Variants in MSANTD5 observed in about 807,000 individuals in gnomAD.
MSANTD5 encodes Myb/SANT DNA binding domain containing 5.
chr5:178,703,253 G>A, the MSANTD5 span, among the ~76,000 whole-genome samples: 268 of 152,318 alleles, frequency 1.8e-3, no homozygotes, highest in African/African-American at 5.6e-3. Flanking sequence ...TGCGGAGGGC[G>A]CCCACGGGCA....
downstream of MSANTD5, among the ~76,000 whole-genome samples, chr5:178,693,751 A>AATCAGCATTCTAT (rs1561608100): frequency 6.6e-6 from 1 of 151,910 alleles, no homozygotes; most frequent in African/African-American, 2.4e-5. Context: ...TTTTTATAGA[A>AATCAGCATTCTAT]TGCTGATTGG....
At chr5:178,693,218 C>A (rs1765374692), downstream of MSANTD5, among the ~76,000 whole-genome samples, 1 of 151,970 alleles carries the variant, frequency 6.6e-6, no homozygotes, top group Non-Finnish European at 1.5e-5. Context: ...GAGGCTGAGG[C>A]AGGAGAATTG....
downstream of MSANTD5, among the ~76,000 whole-genome samples, chr5:178,692,552 C>T (rs186343702): frequency 3.7e-3 from 568 of 152,000 alleles, 19 homozygotes; most frequent in African/African-American, 0.013. Context: ...ATCCACTGGG[C>T]GAAGGGTTCA....
At chr5:178,703,383 T>C in the MSANTD5 span, among the ~76,000 whole-genome samples, 59 of 152,298 alleles carry the variant, frequency 3.9e-4, no homozygotes, top group Non-Finnish European at 7.2e-4. Context: ...CTGAGGAGAC[T>C]TGGTCCTCCA....
chr5:178,699,967 T>C (rs62392823), upstream of MSANTD5, among the ~76,000 whole-genome samples: 32,241 of 138,656 alleles, frequency 0.23, 4,223 homozygotes, highest in South Asian at 0.37. Context: ...ATTCCATGGC[T>C]CTGGGGCAGC....
intron 1 of MSANTD5, among the ~76,000 whole-genome samples, chr5:178,697,206 G>A (rs962870709): frequency 7.9e-5 from 12 of 152,306 alleles, no homozygotes; most frequent in African/African-American, 2.2e-4. Context: ...TGTAATCCCA[G>A]CACTTTGGGA....
chr5:178,702,021 C>G (rs1190793321), upstream of MSANTD5, among the ~76,000 whole-genome samples: 6 of 150,470 alleles, frequency 4.0e-5, no homozygotes, highest in Non-Finnish European at 8.9e-5. Flanking sequence ...GCGTGAGCCA[C>G]CGCGCCCGGC....
At chr5:178,705,642 C>A in the MSANTD5 span, among the ~76,000 whole-genome samples, 8 of 152,076 alleles carry the variant, frequency 5.3e-5, no homozygotes, top group Non-Finnish European at 1.2e-4. Context: ...TTCTGGGCCC[C>A]GTATCCCCAA....
intron 1 of MSANTD5, among the ~76,000 whole-genome samples, chr5:178,697,264 C>T (rs1050388542): frequency 4.0e-5 from 6 of 151,104 alleles, no homozygotes; most frequent in African/African-American, 1.5e-4. Context: ...ACCATCCTGG[C>T]TAACACGGTG....
chr5:178,692,799 G>C (rs751570215), downstream of MSANTD5, among the ~76,000 whole-genome samples: 6 of 151,868 alleles, frequency 4.0e-5, no homozygotes, highest in Non-Finnish European at 8.8e-5. Flanking sequence ...CGGGAGGGAC[G>C]TGCATGTCCC....
the MSANTD5 span, among the ~76,000 whole-genome samples, chr5:178,704,927 A>C: frequency 6.6e-6 from 1 of 152,186 alleles, no homozygotes; most frequent in African/African-American, 2.4e-5. Context: ...GCACTTTTCC[A>C]GGCAGTGACC....
intron 1 of MSANTD5, among the ~76,000 whole-genome samples, chr5:178,696,480 A>G (rs4256366): frequency 2.0e-5 from 3 of 151,646 alleles, no homozygotes; most frequent in Admixed American, 2.0e-4. Context: ...CCTGTCTTGG[A>G]CTCCCAAAGT....
At chr5:178,693,515 G>C (rs1346175200), downstream of MSANTD5, among the ~76,000 whole-genome samples, 2 of 151,946 alleles carry the variant, frequency 1.3e-5, no homozygotes, top group African/African-American at 4.8e-5. Context: ...ATGAAGCCAC[G>C]TACCTTCACC....
chr5:178,693,124 AC>A (rs751546358), downstream of MSANTD5, among the ~76,000 whole-genome samples: 4 of 151,966 alleles, frequency 2.6e-5, no homozygotes, highest in Non-Finnish European at 2.9e-5. Flanking sequence ...AGCCTGACCA[AC>A]ATAGAGAAAC....
At chr5:178,702,787 T>C in the MSANTD5 span, among the ~76,000 whole-genome samples, 1 of 145,094 alleles carries the variant, frequency 6.9e-6, no homozygotes. Flanking sequence ...TTAGTAGAGA[T>C]GGGGTTTCAC....
At chr5:178,700,773 C>T (rs888970647), upstream of MSANTD5, among the ~76,000 whole-genome samples, 6 of 152,182 alleles carry the variant, frequency 3.9e-5, no homozygotes, top group African/African-American at 1.4e-4. Context: ...GCTCGGAAGG[C>T]CAGGGACCTT....
chr5:178,702,409 T>C (rs1035712258), upstream of MSANTD5, among the ~76,000 whole-genome samples: 1 of 151,138 alleles, frequency 6.6e-6, no homozygotes, highest in Non-Finnish European at 1.5e-5. Flanking sequence ...CAGGCGATTC[T>C]TCGGCCTCAG....
At chr5:178,696,668 C>T (rs905656002) in intron 1 of MSANTD5, among the ~76,000 whole-genome samples, 1 of 152,072 alleles carries the variant, frequency 6.6e-6, no homozygotes, top group Admixed American at 6.6e-5. Flanking sequence ...CAAACCCGCA[C>T]GGAATTTCCA....
chr5:178,705,246 C>T, the MSANTD5 span, among the ~76,000 whole-genome samples: 12 of 152,014 alleles, frequency 7.9e-5, no homozygotes, highest in African/African-American at 2.9e-4. Flanking sequence ...TGGGGTTTTG[C>T]CATGTTGGCC....
Sources: allele counts gnomAD v4.1 joint callset (sites outside exome capture counted in the v4.1 genomes callset), GRCh38; gene constraint gnomAD v4.1.1; transcripts MANE v1.5; gene names NCBI Gene and HGNC (gene_info 2026-07-23, HGNC 2026-07-21).